CSMD1: variants seen among roughly 807,000 people sequenced by gnomAD.
The protein encoded by CSMD1 is CUB and Sushi multiple domains 1.
A neutral mutation model predicts 417.5 loss-of-function variants in CSMD1; 213 were observed. The observed-to-expected ratio is 0.51, with a 90% CI of 0.46 to 0.57. The LOEUF (loss-of-function observed/expected upper bound fraction) is 0.57, where lower values mean the gene tolerates loss of function less well. Among genes scored for constraint, CSMD1 ranks in the 20% least tolerant of loss-of-function variants. The pLI is 0.00. For synonymous variants in CSMD1, 2,862 were observed against 1,736.8 expected (o/e 1.65, Z -16.11); for missense variants, 6,923 against 4,529.7 (o/e 1.53, Z -15.17).
chr8:4,725,101 A>G (rs1809338598), intron 1 of CSMD1, among the ~76,000 whole-genome samples: 1 of 152,190 alleles, frequency 6.6e-6, no homozygotes, highest in African/African-American at 2.4e-5. Flanking sequence ...TTTTCAAATT[A>G]AATGTATCCT....
chr8:4,241,220 C>A (rs969035443), intron 3 of CSMD1, among the ~76,000 whole-genome samples: 1 of 152,182 alleles, frequency 6.6e-6, no homozygotes, highest in Non-Finnish European at 1.5e-5. Context: ...ACTTGTAGCA[C>A]ACTAGAATAG....
chr8:4,503,802 T>C (rs527486563), intron 2 of CSMD1, among the ~76,000 whole-genome samples: 6 of 152,222 alleles, frequency 3.9e-5, no homozygotes, highest in South Asian at 4.1e-4. Context: ...ATGTGAATTA[T>C]TGTCATCACC....
At chr8:2,963,765 T>G (rs1428778964) in intron 59 of CSMD1, among the ~76,000 whole-genome samples, 1 of 152,324 alleles carries the variant, frequency 6.6e-6, no homozygotes, top group East Asian at 1.9e-4. Context: ...CACAAATTTA[T>G]AGGCACAGAT....
At chr8:4,855,489 G>A (rs571560273) in intron 1 of CSMD1, among the ~76,000 whole-genome samples, 11 of 152,044 alleles carry the variant, frequency 7.2e-5, no homozygotes, top group African/African-American at 9.7e-5. Flanking sequence ...ACATTCAAAC[G>A]AAAGGCAAAG....
At chr8:3,486,457 G>A (rs1021760916) in intron 11 of CSMD1, among the ~76,000 whole-genome samples, 1 of 152,124 alleles carries the variant, frequency 6.6e-6, no homozygotes, top group South Asian at 2.1e-4. Context: ...ATCTTTAAAT[G>A]CTTTTGACTG....
intron 6 of CSMD1, among the ~76,000 whole-genome samples, chr8:3,748,791 T>G (rs746383495): frequency 1.3e-5 from 2 of 152,236 alleles, no homozygotes; most frequent in African/African-American, 2.4e-5. Context: ...GGTCTTCATT[T>G]TAATTAAAAG....
chr8:3,563,803 T>G (rs773352730), intron 10 of CSMD1, among the ~76,000 whole-genome samples: 3 of 152,004 alleles, frequency 2.0e-5, no homozygotes, highest in Non-Finnish European at 4.4e-5. Context: ...GGGGGAGAAT[T>G]TCTTGATCTC....
chr8:3,879,900 A>C (rs1484749094), intron 5 of CSMD1, among the ~76,000 whole-genome samples: 1 of 151,904 alleles, frequency 6.6e-6, no homozygotes, highest in African/African-American at 2.4e-5. Flanking sequence ...TCACGTTTTT[A>C]TCCCCTATAA....
At chr8:4,415,644 A>G (rs891383733) in intron 3 of CSMD1, among the ~76,000 whole-genome samples, 1 of 152,162 alleles carries the variant, frequency 6.6e-6, no homozygotes, top group Non-Finnish European at 1.5e-5. Context: ...TCATCTTTGT[A>G]TTCCTGTAAC....
At chr8:4,595,034 A>T (rs73659128) in intron 2 of CSMD1, among the ~76,000 whole-genome samples, 4,370 of 152,264 alleles carry the variant, frequency 0.029, 96 homozygotes, top group African/African-American at 0.064. Flanking sequence ...TCCTTGTTGT[A>T]TGTCACTAAC....
chr8:3,605,565 C>T (rs1392049380), intron 8 of CSMD1, among the ~76,000 whole-genome samples: 4 of 152,138 alleles, frequency 2.6e-5, no homozygotes, highest in Non-Finnish European at 5.9e-5. Flanking sequence ...TTTGTTTCTG[C>T]TTCTTATTAT....
intron 49 of CSMD1, among the ~76,000 whole-genome samples, chr8:3,069,434 GAA>G (rs113747632): frequency 7.2e-6 from 1 of 138,130 alleles, no homozygotes; most frequent in Non-Finnish European, 1.6e-5. Flanking sequence ...GACTCTGTCT[GAA>G]AAAAAAAAAA....
In CSMD1 at chr8:3,493,734, C is replaced by G. The variant is rs1466264283; in HGVS notation, c.1345-8G>C. 53 of 1,603,998 alleles carry G rather than the reference C, an allele frequency of 3.3e-5. No homozygotes were observed. Among genetic ancestry groups the G allele is most frequent in the Non-Finnish European group, 4.5e-5 (53 of 1,174,608 alleles). ...AAAGGCAAGCTTGATGACCTAAATA[C>G]AAGGTACGAAACAGTGACTTAGAAC... On this transcript the variant is annotated splice_region_variant and splice_polypyrimidine_tract_variant and intron_variant, in intron 10 of 69. Transcript: ENST00000635120.
rs1001750206 is a variant in CSMD1 at position 3,391,610 on chromosome 8, G to T, written c.2594-3928C>A. Among the ~76,000 whole-genome samples, 21 of 152,296 alleles carry T rather than the reference G, an allele frequency of 1.4e-4. 1 individual carries two copies. The highest frequency in any genetic ancestry group is 3.3e-4 in the Admixed American group (5 of 15,298). On this transcript the variant is annotated intron_variant, in intron 17 of 69. Coordinates refer to ENST00000635120, the MANE Select transcript of CSMD1 (RefSeq NM_033225.6). ...AAGACTGAGTGCATGAAGCAGAACT[G>T]CAATTCTAGGTTTGCTTTTACAAAA... is the stretch of plus-strand genomic sequence containing the variant.
chr8:3,686,447 C>G (rs1273634320), intron 7 of CSMD1, among the ~76,000 whole-genome samples: 1 of 152,006 alleles, frequency 6.6e-6, no homozygotes, highest in Non-Finnish European at 1.5e-5. Flanking sequence ...TAAGAATATG[C>G]CACCCCACCA....
intron 1 of CSMD1, among the ~76,000 whole-genome samples, chr8:4,714,812 T>G (rs1266738683): frequency 6.6e-6 from 1 of 152,216 alleles, no homozygotes; most frequent in Non-Finnish European, 1.5e-5. Context: ...GACTCAACAT[T>G]ATAAACAGTA....
At chr8:4,705,483 T>C (rs1807873993) in intron 1 of CSMD1, among the ~76,000 whole-genome samples, 1 of 152,184 alleles carries the variant, frequency 6.6e-6, no homozygotes, top group Admixed American at 6.6e-5. Context: ...TGTGTACAAT[T>C]GCAATTATCC....
At chr8:4,209,992 T>C (rs1341579105) in intron 3 of CSMD1, among the ~76,000 whole-genome samples, 1 of 152,212 alleles carries the variant, frequency 6.6e-6, no homozygotes, top group Non-Finnish European at 1.5e-5. Context: ...TATGAAAGGC[T>C]GCTTCTGCCC....
At chr8:3,335,287 G>A (rs1451242617) in intron 23 of CSMD1, among the ~76,000 whole-genome samples, 1 of 152,170 alleles carries the variant, frequency 6.6e-6, no homozygotes, top group African/African-American at 2.4e-5. Flanking sequence ...TGATGACCGT[G>A]CCATGAAGAG....
Sources: gnomAD v4.1 joint callset for allele counts (sites outside exome capture counted in the v4.1 genomes callset) on GRCh38, gnomAD v4.1.1 for gene constraint, MANE v1.5 for transcripts, NCBI Gene and HGNC (gene_info 2026-07-23, HGNC 2026-07-21) for gene names.